Variants in GPR19 observed in about 807,000 individuals in gnomAD.
GPR19 encodes G protein-coupled receptor 19.
GPR19 carries 14 observed loss-of-function variants against 28.5 expected under a neutral mutation model. That is an observed-to-expected ratio of 0.49 (90% CI 0.32 to 0.77). The LOEUF (loss-of-function observed/expected upper bound fraction) is 0.77. Ranked by LOEUF, GPR19 falls within the 30% of genes least tolerant of loss-of-function variation. GPR19 has a pLI of 0.03. For synonymous variants in GPR19, 173 were observed against 184.1 expected (o/e 0.94, Z 0.49); for missense variants, 409 against 504.1 (o/e 0.81, Z 1.81).
intron 3 of GPR19, among the ~76,000 whole-genome samples, chr12:12,667,694 T>C (rs1228332107): frequency 2.8e-5 from 3 of 105,748 alleles, no homozygotes; most frequent in Non-Finnish European, 4.0e-5. Context: ...GCATCTCAAT[T>C]AGAAAAAAAA....
At chr12:12,691,854 A>T (rs978757140) in intron 2 of GPR19, among the ~76,000 whole-genome samples, 4 of 152,210 alleles carry the variant, frequency 2.6e-5, no homozygotes, top group Admixed American at 1.3e-4. Context: ...TTATCCCTGA[A>T]TTAAAACTTG....
rs1945931400 is a variant in GPR19 at position 12,676,412 on chromosome 12, AT to A, written c.-23+7938del. ...ATTTAATTTATAACCCACCACTTTC[AT>A]CTGGCAGAGAGCTCATCCTGAGAGT... On this transcript the variant is annotated intron_variant, in intron 3 of 3. Transcript: ENST00000651487. Among the ~76,000 whole-genome samples the A allele has an allele frequency of 2.6e-5, 4 of 152,232 alleles. No individual in the cohort carries two copies. In the South Asian group the frequency reaches 8.3e-4, roughly 32 times the overall value.
chr12:12,696,626 CT>C (rs1202350106), upstream of GPR19, among the ~76,000 whole-genome samples: 5 of 152,330 alleles, frequency 3.3e-5, no homozygotes, highest in East Asian at 9.6e-4. Flanking sequence ...GGCTTTTCCG[CT>C]TTTCACTCTA....
intron 3 of GPR19, among the ~76,000 whole-genome samples, chr12:12,666,500 A>G (rs2136320145): frequency 1.3e-5 from 2 of 152,268 alleles, no homozygotes; most frequent in East Asian, 3.9e-4. Context: ...ATTGCTCTGG[A>G]GTGCAGCCTG....
chr12:12,694,635 TA>T (rs1472059665), intron 2 of GPR19, among the ~76,000 whole-genome samples: 1 of 152,322 alleles, frequency 6.6e-6, no homozygotes, highest in African/African-American at 2.4e-5. Flanking sequence ...GTCATTACAA[TA>T]ATCCTATGGC....
At chr12:12,693,836 G>T (rs781213417) in intron 2 of GPR19, among the ~76,000 whole-genome samples, 1 of 152,076 alleles carries the variant, frequency 6.6e-6, no homozygotes, top group Non-Finnish European at 1.5e-5. Flanking sequence ...CGGAGTAGTT[G>T]GGATTACAAG....
chr12:12,697,152 G>GAAAAAAA (rs1565413527), upstream of GPR19, among the ~76,000 whole-genome samples: 5 of 5,258 alleles, frequency 9.5e-4, no homozygotes, highest in Non-Finnish European at 2.3e-3. Context: ...TTGAAGCGAA[G>GAAAAAAA]TAAAAAAAAA....
Position 12,662,051 on chromosome 12 carries a change from A to T in GPR19, c.398T>A (p.Leu133Gln). The T allele has an allele frequency of 6.2e-7, 1 of 1,614,252 alleles. No individual in the cohort carries two copies. The highest frequency in any genetic ancestry group is 8.5e-7 in the Non-Finnish European group (1 of 1,180,046). Residue 133 changes from leucine to glutamine, a missense_variant, in exon 4 of 4, where the codon CTG becomes CAG. Coordinates refer to ENST00000651487, the MANE Select transcript of GPR19 (RefSeq NM_006143.3). The stretch of plus-strand genomic sequence containing the variant: ...CACAACCTTGCACGTTGCACTACCC[A>T]GCGTCCACCTTCCAGTGGTGAACTG... ...LLQFTTGRWT[L>Q]GSATCKVVRY...
rs1945678669 is a variant in GPR19 at position 12,661,818 on chromosome 12, T to C, written c.631A>G (p.Asn211Asp). Residue 211 changes from asparagine to aspartate, a missense_variant, in exon 4 of 4, where the codon AAC (asparagine) becomes GAC (aspartate). Coordinates refer to ENST00000651487, the MANE Select transcript of GPR19 (RefSeq NM_006143.3). This position sits in a 1 kb window ranked among gnomAD's most constrained non-coding sequence, Gnocchi z 4.2. ...TCCCAAGAGGAGGGGAGGAAATAGT[T>C]ACAATGACTGTCCCAGTTGGAGCCA... Reference protein sequence around the residue: ...FYGSNWDSHCNYFLPSSWEGT... With the variant: ...FYGSNWDSHCDYFLPSSWEGT... The C allele has an allele frequency of 3.1e-6, 5 of 1,613,952 alleles. No homozygotes were observed. Among genetic ancestry groups the C allele is most frequent in the Middle Eastern group, 1.6e-4 (1 of 6,062 alleles).
the GPR19 span, among the ~76,000 whole-genome samples, chr12:12,710,150 G>A: frequency 3.9e-5 from 6 of 152,090 alleles, no homozygotes; most frequent in East Asian, 1.9e-4. Flanking sequence ...TCAGGAGTTC[G>A]AGACCAGCCT....
At chr12:12,690,617 C>T (rs944084738) in intron 2 of GPR19, among the ~76,000 whole-genome samples, 1 of 152,192 alleles carries the variant, frequency 6.6e-6, no homozygotes, top group Non-Finnish European at 1.5e-5. Context: ...TTCTGCTTGT[C>T]CCTTATTGTA....
At chr12:12,665,308 G>A (rs977903582) in intron 3 of GPR19, among the ~76,000 whole-genome samples, 27 of 152,108 alleles carry the variant, frequency 1.8e-4, no homozygotes, top group African/African-American at 6.5e-4. Flanking sequence ...GCCCGGAGGC[G>A]GGGGGCCCTT....
the GPR19 span, among the ~76,000 whole-genome samples, chr12:12,705,719 T>G: frequency 1.3e-5 from 2 of 152,028 alleles, no homozygotes; most frequent in South Asian, 4.2e-4. Flanking sequence ...CCAGCTGATT[T>G]TTGTGTTTTT....
chr12:12,708,955 A>T, the GPR19 span, among the ~76,000 whole-genome samples: 1 of 152,228 alleles, frequency 6.6e-6, no homozygotes, highest in African/African-American at 2.4e-5. Context: ...ACTGAGGCAG[A>T]GAACTGCTTG....
In GPR19 at chr12:12,661,829, T is replaced by C; in HGVS notation, c.620A>G (p.Asp207Gly). 1 of 1,614,028 alleles carries C rather than the reference T, an allele frequency of 6.2e-7. No homozygotes were observed. Among genetic ancestry groups the C allele is most frequent in the Non-Finnish European group, 8.5e-7 (1 of 1,180,002 alleles). ...GGGGAGGAAATAGTTACAATGACTG[T>C]CCCAGTTGGAGCCATAGAAAAAGAG... ...PVLFFYGSNWDSHCNYFLPSS... is the reference protein window; with the variant it reads ...PVLFFYGSNWGSHCNYFLPSS... The change falls in exon 4 of 4, where the codon GAC becomes GGC. Residue 207 changes from aspartate (D) to glycine (G), a missense_variant. Coordinates refer to ENST00000651487, the MANE Select transcript of GPR19 (RefSeq NM_006143.3). This position sits in a 1 kb window ranked among gnomAD's most constrained non-coding sequence, Gnocchi z 4.2.
the GPR19 span, among the ~76,000 whole-genome samples, chr12:12,707,989 C>CTTTTTTTTTTTTTTTTTTT: frequency 1.6e-5 from 1 of 62,442 alleles, no homozygotes; most frequent in South Asian, 6.1e-4. Flanking sequence ...ATTTCCTATT[C>CTTTTTTTTTTTTTTTTTTT]TTTTTTTTTT....
At chr12:12,708,213 G>A in the GPR19 span, among the ~76,000 whole-genome samples, 1 of 151,606 alleles carries the variant, frequency 6.6e-6, no homozygotes, top group East Asian at 1.9e-4. Flanking sequence ...TGCCCAGGCT[G>A]GTCTCAAACT....
intron 3 of GPR19, among the ~76,000 whole-genome samples, chr12:12,672,673 G>A (rs1350869149): frequency 5.3e-5 from 8 of 152,182 alleles, no homozygotes; most frequent in Admixed American, 3.9e-4. Context: ...CTTGAACCCC[G>A]GAGGCGGAGG....
the GPR19 span, among the ~76,000 whole-genome samples, chr12:12,712,142 C>T: frequency 6.6e-6 from 1 of 152,242 alleles, no homozygotes; most frequent in African/African-American, 2.4e-5. Context: ...ACCTTTGCGG[C>T]TCAGGAGATT....
Sources: allele counts gnomAD v4.1 joint callset (sites outside exome capture counted in the v4.1 genomes callset), GRCh38; gene constraint gnomAD v4.1.1; non-coding constraint Gnocchi (gnomAD v3.1); transcripts MANE v1.5; gene names NCBI Gene and HGNC (gene_info 2026-07-23, HGNC 2026-07-21).